The following UTP18 variants were observed in gnomAD, a reference collection of about 807,000 sequenced individuals.
The protein encoded by UTP18 is U3 small nucleolar RNA-associated protein 18 homolog.
In UTP18, 36 loss-of-function variants were observed where a neutral mutation model predicts 61.1. The observed-to-expected ratio is 0.59, with a 90% CI of 0.45 to 0.78. The LOEUF (loss-of-function observed/expected upper bound fraction) is 0.78, where lower values mean the gene tolerates loss of function less well. Among genes scored for constraint, UTP18 ranks in the 30% least tolerant of loss-of-function variants. The probability of loss-of-function intolerance (pLI) is 0.00; values close to 1 mark genes in which losing one functional copy is unlikely to be tolerated. For synonymous variants in UTP18, 282 were observed against 251.1 expected, an observed-to-expected ratio of 1.12 and a Z score of -1.16; for missense variants, 753 against 693.9, an observed-to-expected ratio of 1.09 and a Z score of -0.96.
chr17:51,287,396 A>G (rs1247769575), intron 10 of UTP18, among the ~76,000 whole-genome samples: 3 of 152,210 alleles, frequency 2.0e-5, no homozygotes, highest in Non-Finnish European at 4.4e-5. Context: ...GCATCAGGTA[A>G]TGAGTCACCA....
At chr17:51,296,777 T>G in intron 12 of UTP18, 188 bp from the exon 13 acceptor site, 1 of 533,226 alleles carries the variant, frequency 1.9e-6, no homozygotes, top group Non-Finnish European at 3.3e-6. Context: ...TCATGTTACC[T>G]AAAATCTGAG....
In UTP18 at chr17:51,297,774, T is replaced by A. The variant is rs531848454; in HGVS notation, c.*15-8T>A. 9.3e-6 allele frequency: 4 copies of A among 431,214 alleles called. No individual in the cohort carries two copies. The highest frequency in any genetic ancestry group is 6.3e-5 in the African/African-American group (3 of 47,924). 26.7% of individuals were successfully genotyped at this position (431,214 alleles called of 1,614,324 possible). On this transcript the variant is annotated splice_polypyrimidine_tract_variant and splice_region_variant and intron_variant, in intron 13 of 13. Transcript: ENST00000225298. ...TCAGGTATGTAATTTCTTTTGTTCT[T>A]TCCTCAGGTCCAGTTGAGTCACAAG...
intron 5 of UTP18, among the ~76,000 whole-genome samples, chr17:51,274,679 T>C (rs1567701237): frequency 6.6e-6 from 1 of 151,956 alleles, no homozygotes; most frequent in Admixed American, 6.5e-5. Flanking sequence ...CTCGAACTCC[T>C]GACCTCAGGT....
intron 5 of UTP18, among the ~76,000 whole-genome samples, chr17:51,274,834 A>AT (rs1310883964): frequency 1.3e-5 from 2 of 151,948 alleles, no homozygotes; most frequent in South Asian, 2.1e-4. Context: ...AGATACAGTG[A>AT]TTTTGTCTTG....
chr17:51,284,381 A>G (rs1294960049), intron 9 of UTP18, among the ~76,000 whole-genome samples: 4 of 152,040 alleles, frequency 2.6e-5, no homozygotes, highest in African/African-American at 9.7e-5. Flanking sequence ...GCTTGTGTTT[A>G]GCCTTTTTTT....
At chr17:51,288,303 C>T in intron 11 of UTP18, 100 bp downstream of exon 11, 5 of 1,206,188 alleles carry the variant, frequency 4.1e-6, no homozygotes, top group Non-Finnish European at 5.7e-6. Context: ...ATTTTTAAAA[C>T]AGTGGCTTCT....
chr17:51,273,324 G>T, intron 4 of UTP18, 38 bp from the exon 5 acceptor site: 1 of 1,526,214 alleles, frequency 6.6e-7, no homozygotes, highest in South Asian at 1.2e-5. Flanking sequence ...GCAGCTCATT[G>T]ATTCTAAAGA....
intron 5 of UTP18, among the ~76,000 whole-genome samples, chr17:51,275,183 G>A (rs529548898): frequency 3.1e-4 from 45 of 145,880 alleles, no homozygotes; most frequent in Non-Finnish European, 1.0e-4. Flanking sequence ...GGCAACAAGA[G>A]TGAAACCCAG....
At chr17:51,270,496 A>C (rs542735757) in intron 4 of UTP18, among the ~76,000 whole-genome samples, 1 of 152,332 alleles carries the variant, frequency 6.6e-6, no homozygotes, top group South Asian at 2.1e-4. Context: ...CTAGCTGTTG[A>C]AACAAAATCC....
At chr17:51,266,146 A>G (rs1306443769) in intron 2 of UTP18, 36 bp from the exon 3 acceptor site, 2 of 1,493,050 alleles carry the variant, frequency 1.3e-6, no homozygotes, top group East Asian at 2.5e-5. Context: ...TTAACTCTTT[A>G]AAAGTTATTT....
At chr17:51,269,838 A>AG (rs1568265829) in intron 4 of UTP18, among the ~76,000 whole-genome samples, 231 of 115,308 alleles carry the variant, frequency 2.0e-3, no homozygotes, top group South Asian at 2.7e-3. Flanking sequence ...CAAATAATGT[A>AG]TTGTGTGTGT....
At chr17:51,297,608 T>G (rs1196890193) in intron 13 of UTP18, among the ~76,000 whole-genome samples, 174 bp from the exon 14 acceptor site, 1 of 152,154 alleles carries the variant, frequency 6.6e-6, no homozygotes, top group Non-Finnish European at 1.5e-5. Context: ...AGAATGCAGA[T>G]AGATTTAATT....
rs1408665007 is a variant in UTP18 at position 51,277,359 on chromosome 17, G to A, written c.1012+55G>A. 7 of 1,583,252 alleles carry A rather than the reference G, an allele frequency of 4.4e-6. No individual in the cohort carries two copies. In the East Asian group the frequency reaches 1.3e-4, roughly 30 times the overall value. On this transcript the variant is annotated intron_variant, in intron 7 of 13. Transcript: ENST00000225298. ...GTCATTCCCCCCAAGGTGAGTTTAT[G>A]TAACAGTGTTTACAACACTTTTTTC...
chr17:51,261,836 C>T (rs1157255043), intron 1 of UTP18, among the ~76,000 whole-genome samples: 1 of 151,856 alleles, frequency 6.6e-6, no homozygotes, highest in African/African-American at 2.4e-5. Flanking sequence ...CAGCTGCTTA[C>T]CAGAGCCGCC....
chr17:51,280,104 AG>A lies in UTP18; in HGVS notation c.1113+1del, dbSNP rs1382986192. ...GGATATTTGCATTTGCTAGCAATGA[AG>A]GTAAAGCATTATTATTGCTTCTTGT... Reference protein sequence around the residue: ...IAGYLHLLAMKTKELIGSMKI... With the variant: ...IAGYLHLLAMXTKELIGSMKI... On this transcript the variant is annotated frameshift_variant and splice_region_variant, in exon 8 of 14. Transcript: ENST00000225298. LOFTEE classifies it high-confidence loss of function. The A allele has an allele frequency of 6.2e-7, 1 of 1,612,768 alleles. No homozygotes were observed. Among genetic ancestry groups the A allele is most frequent in the South Asian group, 1.1e-5 (1 of 90,808 alleles).
chr17:51,269,563 G>A (rs1402608989), intron 4 of UTP18, among the ~76,000 whole-genome samples: 2 of 151,996 alleles, frequency 1.3e-5, no homozygotes, highest in Admixed American at 6.6e-5. Context: ...CTTCATGTCC[G>A]TAGAGCTTCA....
intron 2 of UTP18, among the ~76,000 whole-genome samples, chr17:51,264,689 T>G (rs963696549): frequency 1.3e-5 from 2 of 148,258 alleles, no homozygotes; most frequent in African/African-American, 4.9e-5. Flanking sequence ...GTCATTGTCT[T>G]CTTTTTTTTT....
chr17:51,264,506 C>G (rs1383621000), intron 2 of UTP18, among the ~76,000 whole-genome samples: 1 of 152,064 alleles, frequency 6.6e-6, no homozygotes, highest in Non-Finnish European at 1.5e-5. Context: ...TTGATAAGTA[C>G]TGCCAGACTG....
chr17:51,271,795 G>A (rs960977956), intron 4 of UTP18, among the ~76,000 whole-genome samples: 2 of 152,022 alleles, frequency 1.3e-5, no homozygotes, highest in African/African-American at 4.8e-5. Context: ...AGCCACCCAA[G>A]TAGCTGGGAT....
Sources: gnomAD v4.1 joint callset for allele counts (sites outside exome capture counted in the v4.1 genomes callset) on GRCh38, gnomAD v4.1.1 for gene constraint, MANE v1.5 for transcripts, NCBI Gene and HGNC (gene_info 2026-07-23, HGNC 2026-07-21) for gene names.